OBSL1: variants seen among roughly 807,000 people sequenced by gnomAD.
The protein encoded by OBSL1 is obscurin-like protein 1.
Under a neutral mutation model 172.0 loss-of-function variants are expected in OBSL1, and 160 were observed. The ratio of observed to expected loss-of-function variants is 0.93; its 90% CI spans 0.82 to 1.06. The LOEUF is 1.06. Ranked by LOEUF, OBSL1 falls within the 50% of genes least tolerant of loss-of-function variation. The probability of loss-of-function intolerance (pLI) is 0.00; values close to 1 mark genes in which losing one functional copy is unlikely to be tolerated. For missense variants in OBSL1, 2,681 were observed against 2,715.4 expected (o/e 0.99, Z 0.28); for synonymous variants, 1,200 against 1,196.3 (o/e 1.00, Z -0.06).
At position 219,557,434 on chromosome 2, in the gene OBSL1, C is replaced by T; in HGVS notation, c.3975G>A (p.Val1325=). The part of the protein sequence containing the change: ...VQLEQAGARQ[V]LRVQGARSGD... ...CGCTCCGTGCCCCCTGCACCCGCAG[C>T]ACCTGCCTGGCCCCGGCCTGCTCCA... Residue 1325 remains valine (V), a synonymous_variant, in exon 12 of 21, where the codon GTG becomes GTA. Transcript: ENST00000404537. The T allele has an allele frequency of 6.5e-7, 1 of 1,548,648 alleles. No homozygotes were observed. Among genetic ancestry groups the T allele is most frequent in the Non-Finnish European group, 8.7e-7 (1 of 1,146,928 alleles).
intron 8 of OBSL1, among the ~76,000 whole-genome samples, chr2:219,560,686 C>G (rs1236404143): frequency 6.6e-6 from 1 of 152,202 alleles, no homozygotes; most frequent in African/African-American, 2.4e-5. Context: ...CTCAGCCCCC[C>G]AGCCTCCACG....
chr2:219,557,226 C>G, intron 12 of OBSL1, 117 bp downstream of exon 12: 1 of 1,009,084 alleles, frequency 9.9e-7, no homozygotes, highest in Non-Finnish European at 1.4e-6. Context: ...TGGTCATGCA[C>G]GCACTGGTTG....
At position 219,553,529 on chromosome 2, in the gene OBSL1, G is replaced by A. The variant is rs1307387351; in HGVS notation, c.4989+45C>T. On this transcript the variant is annotated intron_variant, in intron 16 of 20. Transcript: ENST00000404537. ...TGTTTCTGTCTGGGGCATTATTATC[G>A]TTGGTGTTACACTGAAGTGGGCTTG... 9 of 1,343,290 alleles carry A rather than the reference G, an allele frequency of 6.7e-6. No individual in the cohort carries two copies. In the African/African-American group the frequency reaches 1.0e-4, roughly 15 times the overall value. The allele number at this position is 1,343,290 out of a possible 1,614,324, so 83.2% of individuals were successfully genotyped here.
Position 219,567,809 on chromosome 2 carries a change from G to C in OBSL1, c.1443C>G (p.Ala481=), listed in dbSNP as rs373882420. Residue 481 remains alanine, a synonymous_variant, in exon 3 of 21, where the codon GCC becomes GCG. Transcript: ENST00000404537. The part of the protein sequence containing the change: ...ICQSSSGHMH[A]LVLPGVTRED... ...CTCGGGTGACCCCTGGAAGGACCAG[G>C]GCATGCATGTGGCCTGAGCTGCTCT... 3.6e-4 allele frequency: 576 copies of C among 1,613,828 alleles called. No homozygotes were observed. The highest frequency in any genetic ancestry group is 4.6e-4 in the Non-Finnish European group (548 of 1,179,890).
rs770133238 is a variant in OBSL1 at position 219,563,352 on chromosome 2, C to A, written c.2680+3G>T. On this transcript the variant is annotated splice_donor_region_variant and intron_variant, in intron 7 of 20. Coordinates refer to ENST00000404537, the MANE Select transcript of OBSL1 (RefSeq NM_015311.3). ...TGCCTCCGAGGCCCACCTGGCCCCC[C>A]ACCTGTGATGGTGACAGTGAAGTAG... 7.7e-6 allele frequency: 12 copies of A among 1,558,998 alleles called. No homozygotes were observed. The highest frequency in any genetic ancestry group is 3.6e-5 in the Admixed American group (2 of 56,172).
rs1695665060 is a variant in OBSL1 at position 219,552,191 on chromosome 2, G to T, written c.5334C>A (p.Ser1778Arg). 1.2e-6 allele frequency: 2 copies of T among 1,608,864 alleles called. No individual in the cohort carries two copies. The highest frequency in any genetic ancestry group is 1.3e-5 in the African/African-American group (1 of 75,022). ...CACCGGCGTCCTCGGCGCGCAGCTC[G>T]CTAAGCACCAGAATGTGTTTCTTCC... ...QEGKKHILVLSELRAEDAGEV... is the reference protein window; with the variant it reads ...QEGKKHILVLRELRAEDAGEV... Residue 1778 changes from serine (S) to arginine (R), a missense_variant, in exon 19 of 21, where the codon AGC becomes AGA. Ser to Arg is a moderately radical substitution (Grantham distance 110). This residue lies in a region of OBSL1 where 1,765 missense variants were observed against 1,748.3 expected (regional missense o/e 1.01). Transcript: ENST00000404537.
Position 219,556,028 on chromosome 2 carries a change from C to A in OBSL1, c.4601G>T (p.Ser1534Ile). 1 of 1,613,530 alleles carries A rather than the reference C, an allele frequency of 6.2e-7. No homozygotes were observed. The highest frequency in any genetic ancestry group is 8.5e-7 in the Non-Finnish European group (1 of 1,179,876). Residue 1534 changes from serine to isoleucine, a missense_variant, in exon 14 of 21, where the codon AGC (serine) becomes ATC (isoleucine). Physicochemically the swap from Ser to Ile is moderately radical, Grantham distance 142 (BLOSUM62 -2). Coordinates refer to ENST00000404537, the MANE Select transcript of OBSL1 (RefSeq NM_015311.3). ...GAGGACGGGGCACTCACGCCTCACG[C>A]TGAGCCTGGCCAGGGTGCGATCGTG... ...SHHDRTLARL[S>I]VRPRQLRVLR...
chr2:219,561,881 C>G (rs1446892451), intron 8 of OBSL1: 1 of 717,410 alleles, frequency 1.4e-6, no homozygotes, highest in South Asian at 1.5e-5. Flanking sequence ...ATGGGGGCAG[C>G]TGCTACTCAG....
Position 219,563,544 on chromosome 2 carries a change from C to T in OBSL1, c.2491G>A (p.Val831Met). The T allele has an allele frequency of 6.2e-7, 1 of 1,613,966 alleles. No homozygotes were observed. Among genetic ancestry groups the T allele is most frequent in the South Asian group, 1.1e-5 (1 of 91,080 alleles). ...TSECVMLACE[V>M]DREDAPVRWY... ...CGCACAGGGGCGTCCTCTCGGTCCACCTCACAGGCCAGCATGACACACTCG... is the reference window on the plus strand; with the variant it reads ...CGCACAGGGGCGTCCTCTCGGTCCATCTCACAGGCCAGCATGACACACTCG... Residue 831 changes from valine (V) to methionine (M), a missense_variant, in exon 7 of 21, where the codon GTG becomes ATG. Val to Met is a conservative substitution (Grantham distance 21). Coordinates refer to ENST00000404537, the MANE Select transcript of OBSL1 (RefSeq NM_015311.3).
rs755849209 is a variant in OBSL1 at position 219,559,318 on chromosome 2, G to A, written c.3133C>T (p.Arg1045Cys). The change falls in exon 9 of 21, where the codon CGC (arginine) becomes TGC (cysteine). Residue 1045 changes from arginine to cysteine, a missense_variant. Physicochemically the swap from Arg to Cys is radical, Grantham distance 180. Transcript: ENST00000404537. ...LVLERDGPRC[R>C]LVLPAAQPED... is the part of the protein sequence containing the mutation. The stretch of plus-strand genomic sequence containing the variant: ...GGCTGAGCAGCAGGTAGCACCAGGC[G>A]GCAGCGTGGCCCATCCCTCTCCAGC... 11 of 1,613,764 alleles carry A rather than the reference G, an allele frequency of 6.8e-6. No homozygotes were observed. The highest frequency in any genetic ancestry group is 1.3e-5 in the African/African-American group (1 of 74,880).
chr2:219,557,676 C>A, intron 11 of OBSL1, 58 bp from the exon 12 acceptor site: 1 of 1,504,168 alleles, frequency 6.6e-7, no homozygotes, highest in Non-Finnish European at 8.8e-7. Flanking sequence ...TTGAGGAGGG[C>A]ACGGGGAGGC....
chr2:219,555,985 G>A, intron 14 of OBSL1, 35 bp downstream of exon 14: 1 of 1,606,170 alleles, frequency 6.2e-7, no homozygotes, highest in Non-Finnish European at 8.5e-7. Flanking sequence ...GTGGTGTAGG[G>A]TGGGTAATGC....
At chr2:219,549,647 A>G (rs761332865), downstream of OBSL1, 1 of 1,590,996 alleles carries the variant, frequency 6.3e-7, no homozygotes, top group Non-Finnish European at 8.6e-7. Context: ...GCTTGTGGGA[A>G]TTCAGGAAGA....
At chr2:219,550,273 G>C (rs1424850693), downstream of OBSL1, 5 of 189,514 alleles carry the variant, frequency 2.6e-5, no homozygotes, top group Non-Finnish European at 5.5e-5. Flanking sequence ...CCGCGGAGGG[G>C]CTACCTTCCT....
intron 6 of OBSL1, among the ~76,000 whole-genome samples, chr2:219,564,615 C>T (rs1437112857): frequency 2.0e-5 from 3 of 152,198 alleles, no homozygotes; most frequent in African/African-American, 7.2e-5. Flanking sequence ...GCTATGTGGA[C>T]AGCGAGACAG....
Position 219,559,220 on chromosome 2 carries a change from C to T in OBSL1, c.3226+5G>A. 1 of 1,595,464 alleles carries T rather than the reference C, an allele frequency of 6.3e-7. No individual in the cohort carries two copies. The highest frequency in any genetic ancestry group is 8.6e-7 in the Non-Finnish European group (1 of 1,167,958). On this transcript the variant is annotated splice_donor_5th_base_variant and intron_variant, in intron 9 of 20. Coordinates refer to ENST00000404537, the MANE Select transcript of OBSL1 (RefSeq NM_015311.3). The stretch of plus-strand genomic sequence containing the variant: ...CCTCCTCTCTGTGCTGCAGAGACTG[C>T]CCACCTGTGACAGTGACAGTGAAGA...
rs761751282 is a variant in OBSL1 at position 219,556,193 on chromosome 2, C to T, written c.4436G>A (p.Gly1479Glu). 6.2e-7 allele frequency: 1 copy of T among 1,612,314 alleles called. No individual in the cohort carries two copies. ...EVETGRVGAA[G>E]AVRWVRGGQP... Reference sequence around the variant, plus strand: ...CCCACCTCGCACCCAGCGCACGGCCCCCGCTGCACCCACTCGGCCTGTCTC... The same window carrying T: ...CCCACCTCGCACCCAGCGCACGGCCTCCGCTGCACCCACTCGGCCTGTCTC... Residue 1479 changes from glycine to glutamate, a missense_variant, in exon 14 of 21, where the codon GGG becomes GAG. Transcript: ENST00000404537.
intron 7 of OBSL1, 138 bp from the exon 8 acceptor site, chr2:219,562,812 T>G: frequency 1.2e-6 from 1 of 867,102 alleles, no homozygotes; most frequent in South Asian, 1.8e-5. Flanking sequence ...TCACAGCAGC[T>G]GACAGTTACT....
chr2:219,559,838 T>A (rs1052747508), intron 8 of OBSL1, among the ~76,000 whole-genome samples: 1 of 152,084 alleles, frequency 6.6e-6, no homozygotes, highest in Non-Finnish European at 1.5e-5. Context: ...AGATACAGAA[T>A]CTTACAGATA....
Sources: allele counts gnomAD v4.1 joint callset (sites outside exome capture counted in the v4.1 genomes callset), GRCh38; gene constraint gnomAD v4.1.1; regional missense constraint gnomAD v4.1.1; transcripts MANE v1.5; gene names NCBI Gene and HGNC (gene_info 2026-07-23, HGNC 2026-07-21).